PEF1: variants seen among roughly 807,000 people sequenced by gnomAD.
The protein encoded by PEF1 is penta-EF-hand domain containing 1.
PEF1 carries 17 observed loss-of-function variants against 32.0 expected under a neutral mutation model. That is an observed-to-expected ratio of 0.53 (90% confidence interval 0.36 to 0.80). The LOEUF is 0.80. Ranked by LOEUF, PEF1 falls within the 30% of genes least tolerant of loss-of-function variation. The pLI is 0.00. For synonymous variants in PEF1, 130 were observed against 139.8 expected (o/e 0.93, Z 0.50); for missense variants, 362 against 369.1 (o/e 0.98, Z 0.16).
intron 1 of PEF1, among the ~76,000 whole-genome samples, chr1:31,641,334 C>G (rs756223511): frequency 2.0e-5 from 3 of 152,142 alleles, no homozygotes; most frequent in African/African-American, 7.2e-5. Flanking sequence ...GCGTCAAAAC[C>G]GGTATCCCTG....
intron 4 of PEF1, among the ~76,000 whole-genome samples, 189 bp from the exon 5 acceptor site, chr1:31,631,031 T>C (rs1022395190): frequency 3.3e-5 from 5 of 152,176 alleles, no homozygotes; most frequent in African/African-American, 1.2e-4. Context: ...GTCTGGATGC[T>C]CCCCTTAGGT....
intron 3 of PEF1, 102 bp downstream of exon 3, chr1:31,633,057 T>C: frequency 7.3e-7 from 1 of 1,370,206 alleles, no homozygotes; most frequent in Non-Finnish European, 9.9e-7. Context: ...CCCTGGTCAA[T>C]GAATTTCTCT....
Position 31,633,190 on chromosome 1 carries a change from T to G in PEF1, c.450A>C (p.Ser150=). Reference sequence around the variant, plus strand: ...TCATGAGGCAGGTCTCATCATTGAATGAAGACCAATTGCAGTTGACCAGGG... The same window carrying G: ...TCATGAGGCAGGTCTCATCATTGAAGGAAGACCAATTGCAGTTGACCAGGG... ...KQALVNCNWS[S]FNDETCLMMI... is the part of the protein sequence containing the mutation. Residue 150 remains serine, a synonymous_variant, in exon 3 of 5, where the codon TCA becomes TCC. Coordinates refer to ENST00000373703, the MANE Select transcript of PEF1 (RefSeq NM_012392.4). 2 of 1,614,068 alleles carry G rather than the reference T, an allele frequency of 1.2e-6. No homozygotes were observed. Among genetic ancestry groups the G allele is most frequent in the Non-Finnish European group, 1.7e-6 (2 of 1,179,952 alleles).
At chr1:31,635,959 G>A (rs1316651016) in intron 1 of PEF1, among the ~76,000 whole-genome samples, 2 of 152,164 alleles carry the variant, frequency 1.3e-5, no homozygotes, top group Admixed American at 6.5e-5. Context: ...TGGGGCAAAC[G>A]CAGTCTCTAA....
chr1:31,632,287 G>A (rs1206789396), intron 4 of PEF1: 1 of 845,790 alleles, frequency 1.2e-6, no homozygotes, highest in Non-Finnish European at 2.0e-6. Flanking sequence ...CCTGATTCTG[G>A]ACCCAGGTGT....
chr1:31,631,578 G>A (rs552655783), intron 4 of PEF1, among the ~76,000 whole-genome samples: 14 of 152,208 alleles, frequency 9.2e-5, no homozygotes, highest in Admixed American at 5.9e-4. Context: ...TTTTCTCACC[G>A]GTAAAAGGGA....
chr1:31,639,899 A>G (rs1388102176), intron 1 of PEF1, among the ~76,000 whole-genome samples: 1 of 152,206 alleles, frequency 6.6e-6, no homozygotes, highest in Non-Finnish European at 1.5e-5. Context: ...CACCTCACAG[A>G]GGGTCACCCA....
At chr1:31,632,074 G>GTCCCAACTGTCCC (rs1209516182) in intron 4 of PEF1, among the ~76,000 whole-genome samples, 1 of 152,224 alleles carries the variant, frequency 6.6e-6, no homozygotes, top group East Asian at 1.9e-4. Flanking sequence ...AGTTGGGAAA[G>GTCCCAACTGTCCC]AAACTGTCCA....
intron 1 of PEF1, among the ~76,000 whole-genome samples, chr1:31,636,344 C>T (rs1041076178): frequency 2.0e-5 from 3 of 152,048 alleles, no homozygotes; most frequent in Non-Finnish European, 2.9e-5. Context: ...GGTGTGGTGG[C>T]GCACACCTAT....
At chr1:31,642,581 C>T (rs1640425030) in intron 1 of PEF1, among the ~76,000 whole-genome samples, 3 of 152,174 alleles carry the variant, frequency 2.0e-5, no homozygotes, top group Admixed American at 2.0e-4. Context: ...TAAAACAACT[C>T]GTTTCCTTTC....
chr1:31,641,261 C>G (rs1223854329), intron 1 of PEF1, among the ~76,000 whole-genome samples: 1 of 152,156 alleles, frequency 6.6e-6, no homozygotes, highest in African/African-American at 2.4e-5. Flanking sequence ...AATCTACCTC[C>G]CAAGTGCTTC....
intron 1 of PEF1, among the ~76,000 whole-genome samples, chr1:31,640,448 G>A (rs1640365506): frequency 6.6e-6 from 1 of 152,150 alleles, no homozygotes; most frequent in African/African-American, 2.4e-5. Flanking sequence ...GAGGGACTGT[G>A]CTAAATGTCT....
Position 31,630,218 on chromosome 1 carries a change from G to T in PEF1, c.*395C>A, listed in dbSNP as rs1640056065. On this transcript the variant is annotated 3_prime_UTR_variant, in exon 5 of 5. Transcript: ENST00000373703. Reference sequence around the variant, plus strand: ...TGGAGAAAATGGGCTCGTTTGACAGGATGGCCTGGTGAGGGAACACAGGTA... The same window carrying T: ...TGGAGAAAATGGGCTCGTTTGACAGTATGGCCTGGTGAGGGAACACAGGTA... The T allele has an allele frequency of 3.9e-6, 1 of 254,404 alleles. No individual in the cohort carries two copies. The highest frequency in any genetic ancestry group is 4.7e-5 in the Admixed American group (1 of 21,098). The allele number at this position is 254,404 out of a possible 1,614,324, so 15.8% of individuals were successfully genotyped here.
intron 1 of PEF1, among the ~76,000 whole-genome samples, chr1:31,637,763 C>A (rs1640296354): frequency 1.3e-5 from 2 of 151,554 alleles, no homozygotes; most frequent in Non-Finnish European, 2.9e-5. Flanking sequence ...AGAGCCCCTA[C>A]AATATGGAAC....
chr1:31,635,277 A>G lies in PEF1; in HGVS notation c.270T>C (p.Tyr90=). Residue 90 remains tyrosine, a synonymous_variant, in exon 2 of 5, where the codon TAT becomes TAC. Transcript: ENST00000373703. ...CGTAGGAACTTGGAGGTGGCTGACC[A>G]TAGGGGCCCCCGGGAGCTGCACCGC... The part of the protein sequence containing the change: ...PYGGAAPGGP[Y]GQPPPSSYGA... 1 of 1,614,124 alleles carries G rather than the reference A, an allele frequency of 6.2e-7. No individual in the cohort carries two copies. Among genetic ancestry groups the G allele is most frequent in the African/African-American group, 1.3e-5 (1 of 75,050 alleles).
At chr1:31,632,217 T>A in intron 4 of PEF1, 1 of 620,782 alleles carries the variant, frequency 1.6e-6, no homozygotes, top group South Asian at 1.9e-5. Flanking sequence ...AGGTGCCAAG[T>A]TTCCATCCTT....
chr1:31,634,497 T>C (rs1640203452), intron 2 of PEF1, among the ~76,000 whole-genome samples: 1 of 152,178 alleles, frequency 6.6e-6, no homozygotes, highest in African/African-American at 2.4e-5. Flanking sequence ...CTGGAATGTG[T>C]GTCTTCTGAG....
chr1:31,641,776 T>C (rs552071005), intron 1 of PEF1, among the ~76,000 whole-genome samples: 8 of 152,384 alleles, frequency 5.2e-5, no homozygotes, highest in South Asian at 2.1e-4. Context: ...CTTACTCCCA[T>C]TGAATACTTA....
chr1:31,644,708 A>G, intron 1 of PEF1, 133 bp downstream of exon 1: 2 of 1,543,208 alleles, frequency 1.3e-6, no homozygotes, highest in Non-Finnish European at 1.8e-6. Context: ...TCGGTTCTCT[A>G]CAGCGCAAGG....
Sources: gnomAD v4.1 joint callset for allele counts (sites outside exome capture counted in the v4.1 genomes callset) on GRCh38, gnomAD v4.1.1 for gene constraint, MANE v1.5 for transcripts, NCBI Gene and HGNC (gene_info 2026-07-23, HGNC 2026-07-21) for gene names.